VPS13C: variants seen among roughly 807,000 people sequenced by gnomAD.
VPS13C encodes intermembrane lipid transfer protein VPS13C.
In VPS13C, 358 loss-of-function variants were observed where a neutral mutation model predicts 456.8. The ratio of observed to expected loss-of-function variants is 0.78; its 90% CI spans 0.72 to 0.86. The LOEUF is 0.86. Ranked by LOEUF, VPS13C falls within the 40% of genes least tolerant of loss-of-function variation. The pLI is 0.00. For missense variants in VPS13C, 4,818 were observed against 4,385.4 expected, an observed-to-expected ratio of 1.10 and a Z score of -2.79; for synonymous variants, 1,578 against 1,486.7, an observed-to-expected ratio of 1.06 and a Z score of -1.41.
At chr15:61,977,905 C>G (rs1442806037) in intron 23 of VPS13C, among the ~76,000 whole-genome samples, 1 of 151,954 alleles carries the variant, frequency 6.6e-6, no homozygotes, top group East Asian at 1.9e-4. Context: ...TATGTATTTA[C>G]GTTTTAATAA....
At position 61,868,796 on chromosome 15, in the gene VPS13C, T is replaced by C. The variant is rs781719644; in HGVS notation, c.10749-23A>G. On this transcript the variant is annotated intron_variant, in intron 80 of 84. Coordinates refer to ENST00000644861, the MANE Select transcript of VPS13C (RefSeq NM_020821.3). ...GCCCTGAATAAGGCATCAGAGTAAG[T>C]GTAAGAAAATACGTGAGAGTCTTTC... is the stretch of plus-strand genomic sequence containing the variant. 8.9e-6 allele frequency: 14 copies of C among 1,573,374 alleles called. No individual in the cohort carries two copies. The South Asian group carries it at 1.4e-4, about 16-fold the overall frequency.
At chr15:61,958,269 A>C (rs1244279758) in intron 37 of VPS13C, among the ~76,000 whole-genome samples, 1 of 152,080 alleles carries the variant, frequency 6.6e-6, no homozygotes, top group Non-Finnish European at 1.5e-5. Context: ...CAGATACACT[A>C]TGCTACCATA....
At chr15:61,925,201 G>C (rs182924679) in intron 53 of VPS13C, among the ~76,000 whole-genome samples, 3 of 144,682 alleles carry the variant, frequency 2.1e-5, no homozygotes, top group Non-Finnish European at 3.0e-5. Context: ...CACAACACAC[G>C]CATGCAAATA....
chr15:61,878,637 G>T lies in VPS13C; in HGVS notation c.10112C>A (p.Thr3371Asn). The change falls in exon 74 of 85, where the codon ACT becomes AAT. Residue 3371 changes from threonine (T) to asparagine (N), a missense_variant. Thr to Asn is a moderately conservative substitution (Grantham distance 65). This residue lies in a region of VPS13C where 4,552 missense variants were observed against 4,130.6 expected (regional missense o/e 1.10). Coordinates refer to ENST00000644861, the MANE Select transcript of VPS13C (RefSeq NM_020821.3). ...VNLLLKSIGATLTDVDDLIFK... is the reference protein window; with the variant it reads ...VNLLLKSIGANLTDVDDLIFK... ...TATAAGGTCATCCACATCAGTCAGA[G>T]TAGCACCTATGCTTTTCAACAGCAA... 1.2e-6 allele frequency: 2 copies of T among 1,611,312 alleles called. No individual in the cohort carries two copies. The highest frequency in any genetic ancestry group is 4.5e-5 in the East Asian group (2 of 44,754).
chr15:62,003,405 TAAG>T (rs1199284777), intron 15 of VPS13C, among the ~76,000 whole-genome samples: 1 of 151,906 alleles, frequency 6.6e-6, no homozygotes, highest in Non-Finnish European at 1.5e-5. Flanking sequence ...CTTATCAGCT[TAAG>T]GAGATTTTGG....
intron 71 of VPS13C, among the ~76,000 whole-genome samples, chr15:61,881,308 CACTT>C (rs1895830694): frequency 6.6e-6 from 1 of 152,084 alleles, no homozygotes; most frequent in African/African-American, 2.4e-5. Context: ...ATTTAGATTT[CACTT>C]ACTATTTTAT....
rs2140584754 is a variant in VPS13C, at chr15:62,023,793, A to G, written c.501T>C (p.Leu167=). The change falls in exon 7 of 85, where the codon CTT becomes CTC. Residue 167 remains leucine, a synonymous_variant. Transcript: ENST00000644861. ...ACTTTTACCTACCTTTTGAACGATC[A>G]AGACCTTTAAAAGGTTTCTTAAAAT... The part of the protein sequence containing the change: ...KKHFKKPFKG[L]DRSKDKPKEA... The G allele has an allele frequency of 3.7e-6, 6 of 1,610,778 alleles. No homozygotes were observed. The highest frequency in any genetic ancestry group is 4.2e-6 in the Non-Finnish European group (5 of 1,178,096).
Position 61,927,306 on chromosome 15 carries a change from G to A in VPS13C, c.6301C>T (p.Pro2101Ser). 1.9e-6 allele frequency: 3 copies of A among 1,613,378 alleles called. No individual in the cohort carries two copies. The highest frequency in any genetic ancestry group is 2.2e-5 in the South Asian group (2 of 90,896). ...ATCATGGCCTTTAAAGTCATATTTG[G>A]TCTAACAGAGTCATCTGAAGAAACA... Reference protein sequence around the residue: ...VKIEKDDSVRPNMTLKAMITD... With the variant: ...VKIEKDDSVRSNMTLKAMITD... Residue 2101 changes from proline (P) to serine (S), a missense_variant, in exon 52 of 85, where the codon CCA becomes TCA. Physicochemically the swap from Pro to Ser is moderately conservative, Grantham distance 74. Around this residue, in one of 3 missense-constraint regions of VPS13C, gnomAD observed 4,552 missense variants for 4,130.6 expected, o/e 1.10. Coordinates refer to ENST00000644861, the MANE Select transcript of VPS13C (RefSeq NM_020821.3).
At chr15:62,046,929 T>C (rs1567147078) in intron 1 of VPS13C, among the ~76,000 whole-genome samples, 2 of 152,150 alleles carry the variant, frequency 1.3e-5, no homozygotes, top group Non-Finnish European at 1.5e-5. Context: ...GAATTAAAGA[T>C]AGCTTTTTTA....
chr15:61,978,802 C>A, intron 22 of VPS13C, 53 bp from the exon 23 acceptor site: 2 of 1,533,648 alleles, frequency 1.3e-6, no homozygotes, highest in Non-Finnish European at 8.7e-7. Context: ...AAAGCACATA[C>A]ATCAACATAC....
chr15:61,979,236 G>A (rs1410606620), intron 22 of VPS13C, among the ~76,000 whole-genome samples: 2 of 152,172 alleles, frequency 1.3e-5, no homozygotes, highest in Non-Finnish European at 2.9e-5. Context: ...GTATACAAGG[G>A]ATCTTCAAAA....
Position 62,034,929 on chromosome 15 carries a change from T to G in VPS13C, c.283+28A>C, listed in dbSNP as rs769701620. On this transcript the variant is annotated intron_variant, in intron 4 of 84. Coordinates refer to ENST00000644861, the MANE Select transcript of VPS13C (RefSeq NM_020821.3). ...CAATTTAATTTCAATGTGATGTTATTGAATGGTTATAACCTAAAATAACAT... is the reference window on the plus strand; with the variant it reads ...CAATTTAATTTCAATGTGATGTTATGGAATGGTTATAACCTAAAATAACAT... 16 of 1,454,954 alleles carry G rather than the reference T, an allele frequency of 1.1e-5. No individual in the cohort carries two copies. In the East Asian group the frequency reaches 3.7e-4, roughly 34 times the overall value. The allele number at this position is 1,454,954 out of a possible 1,614,324, so 90.1% of individuals were successfully genotyped here.
chr15:61,936,476 A>T lies in VPS13C; in HGVS notation c.5755+121T>A, dbSNP rs1199308916. The T allele has an allele frequency of 3.1e-6, 3 of 963,800 alleles. No individual in the cohort carries two copies. The African/African-American group carries it at 5.1e-5, about 16-fold the overall frequency. 59.7% of individuals were successfully genotyped at this position (963,800 alleles called of 1,614,324 possible). A position where few individuals can be genotyped will look rare whatever the true frequency, so the allele number is the denominator to read the frequency against. ...CCAGCCCCAGCCGAATTTCCACAGT[A>T]AGTAGTACAATACTGAATTAGTTCA... is the stretch of plus-strand genomic sequence containing the variant. On this transcript the variant is annotated intron_variant, in intron 48 of 84. Coordinates refer to ENST00000644861, the MANE Select transcript of VPS13C (RefSeq NM_020821.3).
intron 81 of VPS13C, chr15:61,864,719 A>T (rs183196552): frequency 2.0e-6 from 2 of 985,580 alleles, no homozygotes; most frequent in East Asian, 2.3e-4. Context: ...CATCTTCAGA[A>T]TGAGTCTCAG....
intron 26 of VPS13C, 100 bp from the exon 27 acceptor site, chr15:61,972,864 G>T: frequency 7.8e-7 from 1 of 1,283,240 alleles, no homozygotes; most frequent in South Asian, 1.6e-5. Flanking sequence ...TCATTTATTA[G>T]ATATAATCTT....
In VPS13C at chr15:61,907,358, C is replaced by A. The variant is rs1240599058; in HGVS notation, c.9011G>T (p.Arg3004Ile). The change falls in exon 66 of 85, where the codon AGA becomes ATA. Residue 3004 changes from arginine (R) to isoleucine (I), a missense_variant. Physicochemically the swap from Arg to Ile is moderately conservative, Grantham distance 97. This residue lies in a region of VPS13C where 4,552 missense variants were observed against 4,130.6 expected (regional missense o/e 1.10). Transcript: ENST00000644861. Reference protein sequence around the residue: ...GSPEEMVLLPRQARLFAWADP... With the variant: ...GSPEEMVLLPIQARLFAWADP... Reference sequence around the variant, plus strand: ...TGCCCAGGCAAAAAGTCGAGCCTGTCTTGGCAGCAAGACCATTTCTTCTGG... The same window carrying A: ...TGCCCAGGCAAAAAGTCGAGCCTGTATTGGCAGCAAGACCATTTCTTCTGG... The A allele has an allele frequency of 6.2e-7, 1 of 1,614,014 alleles. No homozygotes were observed. Among genetic ancestry groups the A allele is most frequent in the Admixed American group, 1.7e-5 (1 of 60,022 alleles).
In VPS13C at chr15:61,890,356, G is replaced by A. The variant is rs754924916; in HGVS notation, c.9150C>T (p.His3050=). The A allele has an allele frequency of 1.2e-6, 2 of 1,614,032 alleles. No homozygotes were observed. ...QFPYDANIQI[H]WVSFLDGRQR... Reference sequence around the variant, plus strand: ...GGCGCCCATCCAGAAATGATACCCAGTGTATCTGGATGTTTGCATCATATG... The same window carrying A: ...GGCGCCCATCCAGAAATGATACCCAATGTATCTGGATGTTTGCATCATATG... Residue 3050 remains histidine (H), a synonymous_variant, in exon 67 of 85, where the codon CAC becomes CAT. Transcript: ENST00000644861.
chr15:61,910,580 T>C (rs1262305862), intron 63 of VPS13C, among the ~76,000 whole-genome samples: 1 of 152,146 alleles, frequency 6.6e-6, no homozygotes, highest in East Asian at 1.9e-4. Context: ...GATTAAGAAT[T>C]ATAAAATTCA....
chr15:62,006,481 C>T (rs2046851566), intron 15 of VPS13C, among the ~76,000 whole-genome samples: 1 of 152,130 alleles, frequency 6.6e-6, no homozygotes, highest in African/African-American at 2.4e-5. Flanking sequence ...ATATGTGCCA[C>T]ATTTTCTTAA....
Sources: allele counts gnomAD v4.1 joint callset (sites outside exome capture counted in the v4.1 genomes callset), GRCh38; gene constraint gnomAD v4.1.1; regional missense constraint gnomAD v4.1.1; transcripts MANE v1.5; gene names NCBI Gene and HGNC (gene_info 2026-07-23, HGNC 2026-07-21).